DLC1: variants seen among roughly 807,000 people sequenced by gnomAD.
DLC1 encodes DLC1 Rho GTPase activating protein.
Under a neutral mutation model 140.3 loss-of-function variants are expected in DLC1, and 54 were observed. The ratio of observed to expected loss-of-function variants is 0.38; its 90% confidence interval spans 0.31 to 0.48. The LOEUF is 0.48. Ranked by LOEUF, DLC1 falls within the 20% of genes least tolerant of loss-of-function variation. DLC1 has a pLI of 0.96. For missense variants in DLC1, 2,536 were observed against 1,907.0 expected (o/e 1.33, Z -6.14); for synonymous variants, 986 against 728.1 (o/e 1.35, Z -5.70).
At chr8:13,335,256 G>A (rs1048539509) in intron 4 of DLC1, among the ~76,000 whole-genome samples, 1 of 152,190 alleles carries the variant, frequency 6.6e-6, no homozygotes, top group Non-Finnish European at 1.5e-5. Context: ...GTGAGAAATA[G>A]CAGCTAGCAG....
At chr8:13,188,814 T>A (rs1482577470) in intron 5 of DLC1, among the ~76,000 whole-genome samples, 2 of 47,074 alleles carry the variant, frequency 4.2e-5, no homozygotes, top group Non-Finnish European at 8.5e-5. Flanking sequence ...TATATATATA[T>A]ATATATATAT....
intron 2 of DLC1, among the ~76,000 whole-genome samples, chr8:13,414,985 GTTAT>G (rs543474022): frequency 2.6e-3 from 390 of 151,898 alleles, no homozygotes; most frequent in African/African-American, 9.2e-3. Flanking sequence ...TAATTTTTTT[GTTAT>G]TTATAGTAGA....
chr8:13,538,889 A>T (rs1803390362), intron 1 of DLC1, among the ~76,000 whole-genome samples: 1 of 152,160 alleles, frequency 6.6e-6, no homozygotes, highest in African/African-American at 2.4e-5. Flanking sequence ...TGTCGTAAAT[A>T]TCTTTTTCCT....
intron 5 of DLC1, among the ~76,000 whole-genome samples, chr8:13,160,973 T>C (rs75263013): frequency 0.056 from 8,508 of 152,058 alleles, 349 homozygotes; most frequent in Middle Eastern, 0.078. Flanking sequence ...CCCAGCTACT[T>C]GGGAGGCGGA....
At chr8:13,590,380 T>C (rs1805478745) in intron 1 of DLC1, among the ~76,000 whole-genome samples, 2 of 152,026 alleles carry the variant, frequency 1.3e-5, no homozygotes, top group Non-Finnish European at 2.9e-5. Context: ...ACATTGTATT[T>C]AGAAGTGAGC....
chr8:13,585,737 C>A (rs1157833033), intron 1 of DLC1, among the ~76,000 whole-genome samples: 1 of 152,110 alleles, frequency 6.6e-6, no homozygotes, highest in Non-Finnish European at 1.5e-5. Context: ...AGGAACATCA[C>A]CCTGATTTCT....
chr8:13,429,302 C>T (rs959586269), intron 2 of DLC1, among the ~76,000 whole-genome samples: 2 of 152,124 alleles, frequency 1.3e-5, no homozygotes, highest in Non-Finnish European at 2.9e-5. Context: ...AGTTTGAAAA[C>T]CAGTGATGTA....
At chr8:13,590,989 G>A (rs760824656) in intron 1 of DLC1, among the ~76,000 whole-genome samples, 1 of 151,718 alleles carries the variant, frequency 6.6e-6, no homozygotes, top group African/African-American at 2.4e-5. Flanking sequence ...ATAATTTCCA[G>A]GCAGCAATAA....
At chr8:13,302,457 G>C (rs1832240733) in intron 5 of DLC1, among the ~76,000 whole-genome samples, 1 of 152,172 alleles carries the variant, frequency 6.6e-6, no homozygotes, top group Non-Finnish European at 1.5e-5. Context: ...GAGACAAGCA[G>C]CAGAAATGAT....
At chr8:13,552,613 T>A (rs1232174155) in intron 1 of DLC1, among the ~76,000 whole-genome samples, 1 of 151,576 alleles carries the variant, frequency 6.6e-6, no homozygotes, top group African/African-American at 2.4e-5. Flanking sequence ...TGTTCTATAC[T>A]ATGTACTAGA....
At chr8:13,551,073 CA>C (rs749373191) in intron 1 of DLC1, among the ~76,000 whole-genome samples, 3 of 60,592 alleles carry the variant, frequency 5.0e-5, no homozygotes, top group African/African-American at 9.9e-5. Context: ...CACACACACA[CA>C]CTTTTTTTTT....
intron 3 of DLC1, among the ~76,000 whole-genome samples, chr8:13,397,729 A>G (rs1030757153): frequency 6.6e-6 from 1 of 151,970 alleles, no homozygotes; most frequent in Middle Eastern, 3.2e-3. Flanking sequence ...TCAGCAACTC[A>G]GGAGGCTGAG....
At chr8:13,278,286 A>T (rs1441443222) in intron 5 of DLC1, among the ~76,000 whole-genome samples, 1 of 152,214 alleles carries the variant, frequency 6.6e-6, no homozygotes, top group Non-Finnish European at 1.5e-5. Context: ...GCCTGGTTCC[A>T]TTCTAAAACA....
chr8:13,593,682 A>G (rs184874511), intron 1 of DLC1, among the ~76,000 whole-genome samples: 22 of 152,234 alleles, frequency 1.4e-4, no homozygotes, highest in Admixed American at 1.3e-3. Context: ...ATTGGTACCT[A>G]AAAGTGGGTT....
chr8:13,304,256 T>A (rs1157392829), intron 5 of DLC1, among the ~76,000 whole-genome samples: 1 of 152,184 alleles, frequency 6.6e-6, no homozygotes. Context: ...ATTAGTACAT[T>A]GTTATGTTGT....
At chr8:13,088,461 C>G in intron 16 of DLC1, 26 bp downstream of exon 16, 3 of 1,612,826 alleles carry the variant, frequency 1.9e-6, no homozygotes, top group Non-Finnish European at 2.5e-6. Context: ...ATCCTTGTCA[C>G]AAAAAAACAA....
At chr8:13,421,596 G>A (rs1838322972) in intron 2 of DLC1, among the ~76,000 whole-genome samples, 2 of 152,116 alleles carry the variant, frequency 1.3e-5, no homozygotes, top group Admixed American at 1.3e-4. Flanking sequence ...GCAGTAGACT[G>A]GTTCATTGTT....
chr8:13,597,796 CAGA>C (rs1340023819), intron 1 of DLC1, among the ~76,000 whole-genome samples: 2 of 152,050 alleles, frequency 1.3e-5, no homozygotes, highest in African/African-American at 2.4e-5. Context: ...CATAACTGCA[CAGA>C]AGGACTGAGT....
chr8:13,192,524 C>G (rs934728597), intron 5 of DLC1, among the ~76,000 whole-genome samples: 1 of 152,148 alleles, frequency 6.6e-6, no homozygotes, highest in Non-Finnish European at 1.5e-5. Flanking sequence ...CTTCTCCTCT[C>G]CCCCAGCACT....
Sources: allele counts gnomAD v4.1 joint callset (sites outside exome capture counted in the v4.1 genomes callset), GRCh38; gene constraint gnomAD v4.1.1; transcripts MANE v1.5; gene names NCBI Gene and HGNC (gene_info 2026-07-23, HGNC 2026-07-21).